Variants in RMDN1 observed in about 807,000 individuals in gnomAD.
The protein encoded by RMDN1 is regulator of microtubule dynamics protein 1.
In RMDN1, 48 loss-of-function variants were observed where a neutral mutation model predicts 48.9. The ratio of observed to expected loss-of-function variants is 0.98; its 90% CI spans 0.78 to 1.25. RMDN1 has a LOEUF of 1.25. Ranked by LOEUF, RMDN1 falls within the 50% of genes most tolerant of loss-of-function variation. The pLI is 0.00. For synonymous variants in RMDN1, 148 were observed against 132.6 expected, an observed-to-expected ratio of 1.12 and a Z score of -0.80; for missense variants, 418 against 373.4, an observed-to-expected ratio of 1.12 and a Z score of -0.98.
At chr8:86,489,781 G>A (rs893912299) in intron 2 of RMDN1, among the ~76,000 whole-genome samples, 1 of 145,380 alleles carries the variant, frequency 6.9e-6, no homozygotes, top group African/African-American at 2.6e-5. Flanking sequence ...AGTGAGCCAT[G>A]ATCGCTCCAC....
chr8:86,507,379 T>C (rs1019359247), intron 1 of RMDN1, among the ~76,000 whole-genome samples: 1 of 152,188 alleles, frequency 6.6e-6, no homozygotes, highest in African/African-American at 2.4e-5. Context: ...ACAACTTATT[T>C]GCAAATGCAT....
Position 86,473,049 on chromosome 8 carries a change from G to A in RMDN1, c.*1259C>T. ...TGGAAAAACATCCCAAATCCAAGAT[G>A]CTTCTACTAGTCCCAAGTATTTCAG... On this transcript the variant is annotated 3_prime_UTR_variant, in exon 10 of 10. Coordinates refer to ENST00000406452, the MANE Select transcript of RMDN1 (RefSeq NM_016033.3). 1 of 919,032 alleles carries A rather than the reference G, an allele frequency of 1.1e-6. No homozygotes were observed. The highest frequency in any genetic ancestry group is 1.3e-6 in the Non-Finnish European group (1 of 769,806). The allele number at this position is 919,032 out of a possible 1,614,324, so 56.9% of individuals were successfully genotyped here.
intron 5 of RMDN1, chr8:86,481,745 C>T (rs765076726): frequency 1.1e-5 from 9 of 795,452 alleles, no homozygotes; most frequent in Non-Finnish European, 1.7e-5. Flanking sequence ...TTTGGTAATT[C>T]CTATTTTTTT....
chr8:86,477,641 A>G (rs1813609100), intron 7 of RMDN1, among the ~76,000 whole-genome samples: 1 of 152,252 alleles, frequency 6.6e-6, no homozygotes, highest in South Asian at 2.1e-4. Context: ...GTTCTCTTAA[A>G]TCATAACTAG....
rs771897991 is a variant in RMDN1 at position 86,507,036 on chromosome 8, T to C, written c.206A>G (p.Gln69Arg). 6.2e-7 allele frequency: 1 copy of C among 1,612,954 alleles called. No individual in the cohort carries two copies. The stretch of plus-strand genomic sequence containing the variant: ...AACCACAGCAGCCTGAGAGATAACC[T>C]GGTAAGTTTCAAAACCCAAATACGA... ...ALSYLGFETYQVISQAAVVHA... is the reference protein window; with the variant it reads ...ALSYLGFETYRVISQAAVVHA... The change falls in exon 2 of 10, where the codon CAG (glutamine) becomes CGG (arginine). Residue 69 changes from glutamine (Q) to arginine (R), a missense_variant. Physicochemically the swap from Gln to Arg is conservative, Grantham distance 43. Coordinates refer to ENST00000406452, the MANE Select transcript of RMDN1 (RefSeq NM_016033.3).
Position 86,473,669 on chromosome 8 carries a change from G to T in RMDN1, c.*639C>A. 2.7e-6 allele frequency: 1 copy of T among 377,202 alleles called. No individual in the cohort carries two copies. The highest frequency in any genetic ancestry group is 3.6e-6 in the Non-Finnish European group (1 of 274,112). The allele number at this position is 377,202 out of a possible 1,614,324, so 23.4% of individuals were successfully genotyped here. On this transcript the variant is annotated 3_prime_UTR_variant, in exon 10 of 10. Transcript: ENST00000406452. The stretch of plus-strand genomic sequence containing the variant: ...TAATCCCAGCCACTCAGGAGGCTAA[G>T]GCAGGAGAATCACTTGAACCCGGGA...
At chr8:86,498,615 C>T (rs975944074) in intron 2 of RMDN1, among the ~76,000 whole-genome samples, 1 of 151,320 alleles carries the variant, frequency 6.6e-6, no homozygotes, top group Admixed American at 6.6e-5. Flanking sequence ...CCCGACTCTA[C>T]AAAAAAATAC....
chr8:86,504,438 C>CA (rs1176733289), intron 2 of RMDN1: 1 of 1,559,530 alleles, frequency 6.4e-7, no homozygotes, highest in Non-Finnish European at 8.8e-7. Flanking sequence ...TCTCTGGAAT[C>CA]AATGTTGTGT....
chr8:86,470,159 T>G, downstream of RMDN1: 5 of 1,287,368 alleles, frequency 3.9e-6, no homozygotes, highest in Non-Finnish European at 5.1e-6. Flanking sequence ...ACATCTATAA[T>G]GGAGAGATAT....
chr8:86,508,596 G>A lies in RMDN1; in HGVS notation c.25C>T (p.Arg9Cys), dbSNP rs1467541857. MALAARLW[R>C]LLPFRRGAAP... ...GCTCCACGTCGGAAAGGCAGAAGGC[G>A]CCACAGTCGAGCAGCCAGCGCCATG... Residue 9 changes from arginine to cysteine, a missense_variant, in exon 1 of 10, where the codon CGC becomes TGC. By Grantham distance (180) the Arg-to-Cys change is radical. Coordinates refer to ENST00000406452, the MANE Select transcript of RMDN1 (RefSeq NM_016033.3). 5.0e-6 allele frequency: 8 copies of A among 1,604,354 alleles called. No homozygotes were observed. The highest frequency in any genetic ancestry group is 1.7e-4 in the Middle Eastern group (1 of 5,944).
chr8:86,478,952 C>A lies in RMDN1; in HGVS notation c.700G>T (p.Ala234Ser). 6.2e-7 allele frequency: 1 copy of A among 1,613,956 alleles called. No individual in the cohort carries two copies. The highest frequency in any genetic ancestry group is 8.5e-7 in the Non-Finnish European group (1 of 1,179,868). Residue 234 changes from alanine to serine, a missense_variant, in exon 7 of 10, where the codon GCA becomes TCA. Coordinates refer to ENST00000406452, the MANE Select transcript of RMDN1 (RefSeq NM_016033.3). Reference protein sequence around the residue: ...YQRRIAKMLFATPPSSTYEKA... With the variant: ...YQRRIAKMLFSTPPSSTYEKA... ...TCATAGGTGGAACTAGGAGGAGTTG[C>A]AAACAGCATTTTAGCAATTCTTCTT...
At chr8:86,501,567 T>G (rs1410898392) in intron 2 of RMDN1, among the ~76,000 whole-genome samples, 1 of 151,548 alleles carries the variant, frequency 6.6e-6, no homozygotes, top group Non-Finnish European at 1.5e-5. Flanking sequence ...CAGCTACTTG[T>G]GAGGCTGAGG....
chr8:86,502,339 T>C (rs1360441207), intron 2 of RMDN1, among the ~76,000 whole-genome samples: 1 of 152,082 alleles, frequency 6.6e-6, no homozygotes, highest in Non-Finnish European at 1.5e-5. Context: ...TGGACTCAAG[T>C]GATCCTCCTG....
At chr8:86,493,174 G>A (rs7459811) in intron 2 of RMDN1, among the ~76,000 whole-genome samples, 74,735 of 151,996 alleles carry the variant, frequency 0.49, 19,087 homozygotes, top group Admixed American at 0.61. Context: ...AGTCTCACAA[G>A]TTATATAAAC....
rs1812996667 is a variant in RMDN1 at position 86,474,308 on chromosome 8, T to C, written c.945A>G (p.Ter315TrpextTer8). The C allele has an allele frequency of 1.2e-6, 2 of 1,613,480 alleles. No individual in the cohort carries two copies. The highest frequency in any genetic ancestry group is 1.3e-5 in the African/African-American group (1 of 74,898). ...TTCATAAATCTTCTCTGAAAAGTTC[T>C]CAATTCTTCTCACTGAAACTTGTAA... is the stretch of plus-strand genomic sequence containing the variant. ...QLLTSFSEKN* is the reference protein window; with the variant it reads ...QLLTSFSEKNW The change falls in exon 10 of 10, where the codon TGA (stop) becomes TGG (tryptophan). Residue 315 changes from the stop codon to tryptophan (W), a stop_lost. Transcript: ENST00000406452.
intron 5 of RMDN1, among the ~76,000 whole-genome samples, chr8:86,484,424 TAAC>T (rs575480379): frequency 1.4e-3 from 219 of 152,066 alleles, no homozygotes; most frequent in African/African-American, 5.0e-3. Flanking sequence ...TTGCAAGAAA[TAAC>T]AAACTGTCGG....
At chr8:86,507,192 T>C (rs549586866) in intron 1 of RMDN1, 80 bp from the exon 2 acceptor site, 1 of 793,750 alleles carries the variant, frequency 1.3e-6, no homozygotes, top group African/African-American at 1.7e-5. Flanking sequence ...TTACATGAAT[T>C]TTCTCCCACC....
Position 86,484,883 on chromosome 8 carries a change from CCTT to C in RMDN1, c.571_573del (p.Lys191del). The stretch of plus-strand genomic sequence containing the variant: ...TAATTCATCAGTACCTCAAAATGCT[CCTT>C]GATGATATATGCATTTGCAATTTTA... On this transcript the variant is annotated inframe_deletion, in exon 5 of 10. Transcript: ENST00000406452. The C allele has an allele frequency of 1.3e-6, 2 of 1,586,428 alleles. No individual in the cohort carries two copies. Among genetic ancestry groups the C allele is most frequent in the Non-Finnish European group, 1.7e-6 (2 of 1,159,832 alleles).
At chr8:86,486,153 T>G (rs1406736460) in intron 4 of RMDN1, among the ~76,000 whole-genome samples, 1 of 152,204 alleles carries the variant, frequency 6.6e-6, no homozygotes, top group Non-Finnish European at 1.5e-5. Flanking sequence ...TGTGAAGTGC[T>G]TATACTACTA....
Sources: gnomAD v4.1 joint callset for allele counts (sites outside exome capture counted in the v4.1 genomes callset) on GRCh38, gnomAD v4.1.1 for gene constraint, MANE v1.5 for transcripts, NCBI Gene and HGNC (gene_info 2026-07-23, HGNC 2026-07-21) for gene names.